The following PROP1 variants were observed in gnomAD, a reference collection of about 807,000 sequenced individuals.
PROP1 encodes the protein homeobox protein prophet of Pit-1.
A neutral mutation model predicts 22.3 loss-of-function variants in PROP1; 12 were observed. The ratio of observed to expected loss-of-function variants is 0.54; its 90% CI spans 0.34 to 0.87. The LOEUF (loss-of-function observed/expected upper bound fraction) is 0.87, where lower values mean the gene tolerates loss of function less well. PROP1 is among the 40% of genes least tolerant of loss of function. The pLI is 0.01. For missense variants in PROP1, 278 were observed against 295.1 expected (o/e 0.94, Z 0.43); for synonymous variants, 112 against 116.7 (o/e 0.96, Z 0.26).
At position 177,992,863 on chromosome 5, in the gene PROP1, G is replaced by C; in HGVS notation, c.527C>G (p.Pro176Arg). The stretch of plus-strand genomic sequence containing the variant: ...GGCGCCTCCTGTGGAGGGCTGGGAA[G>C]GGAGGGCATGGCTGTAGGGGTGAGG... Reference protein sequence around the residue: ...CFPHPYSHALPSQPSTGGAFA... With the variant: ...CFPHPYSHALRSQPSTGGAFA... Residue 176 changes from proline (P) to arginine (R), a missense_variant, in exon 3 of 3, where the codon CCT (proline) becomes CGT (arginine). Transcript: ENST00000308304. The C allele has an allele frequency of 6.2e-7, 1 of 1,613,194 alleles. No homozygotes were observed. Among genetic ancestry groups the C allele is most frequent in the Non-Finnish European group, 8.5e-7 (1 of 1,179,486 alleles).
In PROP1 at chr5:177,992,501, C is replaced by G; in HGVS notation, c.*208G>C. The G allele has an allele frequency of 1.7e-6, 1 of 581,160 alleles. No homozygotes were observed. Among genetic ancestry groups the G allele is most frequent in the Non-Finnish European group, 3.1e-6 (1 of 327,526 alleles). 36.0% of individuals were successfully genotyped at this position (581,160 alleles called of 1,614,324 possible). On this transcript the variant is annotated 3_prime_UTR_variant, in exon 3 of 3. Transcript: ENST00000308304. ...GCTCCACCGAGGCATCTTGCCCTGT[C>G]TCTTCCAGTAGCTCACCTCCCCAGA...
chr5:177,994,180 T>C lies in PROP1; in HGVS notation c.268A>G (p.Arg90Gly), dbSNP rs1481277232. 7 of 1,614,072 alleles carry C rather than the reference T, an allele frequency of 4.3e-6. No individual in the cohort carries two copies. The African/African-American group carries it at 9.3e-5, about 22-fold the overall frequency. ...QLEQLESAFG[R>G]NQYPDIWARE... The stretch of plus-strand genomic sequence containing the variant: ...GCCCAGATGTCGGGGTACTGGTTCC[T>C]CCCAAAGGCTGACTCCAGCTGTTCC... The change falls in exon 2 of 3, where the codon AGG becomes GGG. Residue 90 changes from arginine (R) to glycine (G), a missense_variant. Coordinates refer to ENST00000308304, the MANE Select transcript of PROP1 (RefSeq NM_006261.5).
rs767901591 is a variant in PROP1, at chr5:177,994,255, G to A, written c.193C>T (p.Arg65Cys). 8.7e-6 allele frequency: 14 copies of A among 1,613,790 alleles called. No homozygotes were observed. Among genetic ancestry groups the A allele is most frequent in the African/African-American group, 6.7e-5 (5 of 74,898 alleles). The stretch of plus-strand genomic sequence containing the variant: ...CGGTGGCGGCGCCGGGAGTGCGGGC[G>A]GCCCCTCTGTCCTCCTTGCGGGGAG... ...RFSPQGGQRGRPHSRRRHRTT... is the reference protein window; with the variant it reads ...RFSPQGGQRGCPHSRRRHRTT... Residue 65 changes from arginine to cysteine, a missense_variant, in exon 2 of 3, where the codon CGC becomes TGC. Physicochemically the swap from Arg to Cys is radical, Grantham distance 180. Coordinates refer to ENST00000308304, the MANE Select transcript of PROP1 (RefSeq NM_006261.5).
At chr5:177,993,191 A>T (rs1222069023) in intron 2 of PROP1, 144 bp from the exon 3 acceptor site, 11 of 773,774 alleles carry the variant, frequency 1.4e-5, no homozygotes, top group Non-Finnish European at 2.4e-5. Flanking sequence ...GGCTTGGCTG[A>T]GCCTGGTCTG....
In PROP1 at chr5:177,992,757, G is replaced by A. The variant is rs2113059175; in HGVS notation, c.633C>T (p.Pro211=). The A allele has an allele frequency of 6.3e-7, 1 of 1,593,208 alleles. No individual in the cohort carries two copies. The highest frequency in any genetic ancestry group is 2.2e-4 in the Middle Eastern group (1 of 4,526). The change falls in exon 3 of 3, where the codon CCC becomes CCT. Residue 211 remains proline, a synonymous_variant. Transcript: ENST00000308304. ...APAGHLPCPP[P]PPMLPLSLEP... ...CAAGGCTGAGGGGGAGCATGGGAGGGGGTGGGGGGCAGGGCAGATGGCCGG... is the reference window on the plus strand; with the variant it reads ...CAAGGCTGAGGGGGAGCATGGGAGGAGGTGGGGGGCAGGGCAGATGGCCGG...
In PROP1 at chr5:177,994,331, A is replaced by G. The variant is rs2113064681; in HGVS notation, c.117T>C (p.Ser39=). The change falls in exon 2 of 3, where the codon AGT becomes AGC. Residue 39 remains serine (S), a synonymous_variant. Coordinates refer to ENST00000308304, the MANE Select transcript of PROP1 (RefSeq NM_006261.5). The part of the protein sequence containing the change: ...TGTPTTTVDS[S]APPCRRLPGA... Reference sequence around the variant, plus strand: ...CAGGGAGCCTTCTGCAGGGTGGAGCACTCGAGTCTGAGAACGGAGAGAAGG... The same window carrying G: ...CAGGGAGCCTTCTGCAGGGTGGAGCGCTCGAGTCTGAGAACGGAGAGAAGG... 2.5e-6 allele frequency: 4 copies of G among 1,595,888 alleles called. No homozygotes were observed. The highest frequency in any genetic ancestry group is 3.4e-6 in the Non-Finnish European group (4 of 1,170,496).
rs372964029 is a variant in PROP1, at chr5:177,994,101, A to G, written c.342+5T>C. 6.2e-7 allele frequency: 1 copy of G among 1,612,360 alleles called. No homozygotes were observed. The highest frequency in any genetic ancestry group is 1.7e-5 in the Admixed American group (1 of 60,000). On this transcript the variant is annotated splice_donor_5th_base_variant and intron_variant, in intron 2 of 2. Coordinates refer to ENST00000308304, the MANE Select transcript of PROP1 (RefSeq NM_006261.5). ...TCCTGAGAGAGGAGGATCCTGGAGC[A>G]TCACCTGGATTCGGGCCTCACTGAG...
At position 177,994,286 on chromosome 5, in the gene PROP1, T is replaced by G; in HGVS notation, c.162A>C (p.Ser54=). The change falls in exon 2 of 3, where the codon TCA becomes TCC. Residue 54 remains serine, a synonymous_variant. Transcript: ENST00000308304. ...RRLPGAGGGR[S]RFSPQGGQRG... ...TCTGTCCTCCTTGCGGGGAGAACCT[T>G]GATCTCCCCCCTCCTGCACCAGGGA... is the stretch of plus-strand genomic sequence containing the variant. The G allele has an allele frequency of 6.2e-7, 1 of 1,612,992 alleles. No homozygotes were observed. Among genetic ancestry groups the G allele is most frequent in the Non-Finnish European group, 8.5e-7 (1 of 1,179,324 alleles).
At chr5:177,993,830 G>A (rs1772707167) in intron 2 of PROP1, among the ~76,000 whole-genome samples, 1 of 152,124 alleles carries the variant, frequency 6.6e-6, no homozygotes, top group African/African-American at 2.4e-5. Context: ...GCCTCCCAAA[G>A]TGCTGGGATT....
rs1383245850 is a variant in PROP1 at position 177,992,331 on chromosome 5, G to A, written c.*378C>T. ...AAGGGATGTATAGGTAGACTCTTAA[G>A]TCAGAAGCCTTACTGAAATCAGCCA... On this transcript the variant is annotated 3_prime_UTR_variant, in exon 3 of 3. Transcript: ENST00000308304. The A allele has an allele frequency of 8.7e-6, 2 of 230,930 alleles. No individual in the cohort carries two copies. Among genetic ancestry groups the A allele is most frequent in the Non-Finnish European group, 1.7e-5 (2 of 117,926 alleles). The allele number at this position is 230,930 out of a possible 1,614,324, so 14.3% of individuals were successfully genotyped here.
At chr5:177,994,382 T>C (rs1755704768) in intron 1 of PROP1, 44 bp from the exon 2 acceptor site, 13 of 1,499,956 alleles carry the variant, frequency 8.7e-6, no homozygotes, top group African/African-American at 1.4e-5. Context: ...AGGAGGACGC[T>C]CCTCGGTGCT....
At chr5:177,993,141 C>T in intron 2 of PROP1, 94 bp from the exon 3 acceptor site, 1 of 1,110,428 alleles carries the variant, frequency 9.0e-7, no homozygotes, top group South Asian at 1.3e-5. Flanking sequence ...AGGGAGCAGG[C>T]TTCTCCAGCA....
intron 1 of PROP1, 140 bp downstream of exon 1, chr5:177,995,685 C>T (rs2113068582): frequency 1.4e-6 from 1 of 720,868 alleles, no homozygotes; most frequent in Non-Finnish European, 2.3e-6. Flanking sequence ...GTCCCTTTTA[C>T]TTTCAAAGGT....
In PROP1 at chr5:177,996,200, CTG is replaced by C. The variant is rs1755765506; in HGVS notation, c.-269_-268del. On this transcript the variant is annotated 5_prime_UTR_variant, in exon 1 of 3. Transcript: ENST00000308304. Reference sequence around the variant, plus strand: ...CTCAGCCTCACCTGTTGCTCTGTTTCTGACTACTTTTCTCTGCCTGGCCCTTC... The same window carrying C: ...CTCAGCCTCACCTGTTGCTCTGTTTCACTACTTTTCTCTGCCTGGCCCTTC... 1.9e-6 allele frequency: 1 copy of C among 522,976 alleles called. No individual in the cohort carries two copies. The highest frequency in any genetic ancestry group is 3.5e-6 in the Non-Finnish European group (1 of 289,510). 32.4% of individuals were successfully genotyped at this position (522,976 alleles called of 1,614,324 possible).
chr5:177,994,872 T>C (rs1755723824), intron 1 of PROP1, among the ~76,000 whole-genome samples: 1 of 152,106 alleles, frequency 6.6e-6, no homozygotes, highest in Admixed American at 6.5e-5. Flanking sequence ...GACTCATTCC[T>C]GGCCCTGGCA....
chr5:177,993,562 A>T, intron 2 of PROP1, among the ~76,000 whole-genome samples: 1 of 105,586 alleles, frequency 9.5e-6, no homozygotes, highest in Non-Finnish European at 2.1e-5. Flanking sequence ...AATTGGCATC[A>T]CTATTTTTTT....
chr5:177,994,063 A>G (rs1436941709), intron 2 of PROP1, 43 bp downstream of exon 2: 2 of 1,602,156 alleles, frequency 1.2e-6, no homozygotes, highest in Non-Finnish European at 1.7e-6. Context: ...CACCAAAGAA[A>G]TCTGCATTTC....
At chr5:177,994,512 A>T (rs1755711592) in intron 1 of PROP1, among the ~76,000 whole-genome samples, 174 bp from the exon 2 acceptor site, 4 of 151,932 alleles carry the variant, frequency 2.6e-5, no homozygotes, top group African/African-American at 7.3e-5. Flanking sequence ...ATCACAGCTC[A>T]CTGCAGCCTC....
chr5:177,992,672 G>A lies in PROP1; in HGVS notation c.*37C>T, dbSNP rs749918250. The stretch of plus-strand genomic sequence containing the variant: ...ATTTTCTTGTCTTTTCACGAGGGCC[G>A]CAGGCTGGGGATCACCTTGGTGGTA... On this transcript the variant is annotated 3_prime_UTR_variant, in exon 3 of 3. Coordinates refer to ENST00000308304, the MANE Select transcript of PROP1 (RefSeq NM_006261.5). The A allele has an allele frequency of 4.8e-5, 69 of 1,425,026 alleles. No individual in the cohort carries two copies. Among genetic ancestry groups the A allele is most frequent in the Admixed American group, 5.5e-5 (3 of 54,154 alleles). The allele number at this position is 1,425,026 out of a possible 1,614,324, so 88.3% of individuals were successfully genotyped here.
Sources: gnomAD v4.1 joint callset for allele counts (sites outside exome capture counted in the v4.1 genomes callset) on GRCh38, gnomAD v4.1.1 for gene constraint, MANE v1.5 for transcripts, NCBI Gene and HGNC (gene_info 2026-07-23, HGNC 2026-07-21) for gene names.